Variants in PRKACB observed in about 807,000 individuals in gnomAD.
PRKACB encodes the protein cAMP-dependent protein kinase catalytic subunit beta.
A neutral mutation model predicts 51.4 loss-of-function variants in PRKACB; 16 were observed. The ratio of observed to expected loss-of-function variants is 0.31; its 90% confidence interval spans 0.21 to 0.47. PRKACB has a LOEUF of 0.47. Ranked by LOEUF, PRKACB falls within the 20% of genes least tolerant of loss-of-function variation. PRKACB has a pLI of 1.00. For synonymous variants in PRKACB, 147 were observed against 154.4 expected (o/e 0.95, Z 0.35); for missense variants, 309 against 464.5 (o/e 0.67, Z 3.08).
intron 1 of PRKACB, among the ~76,000 whole-genome samples, chr1:84,092,314 A>G (rs1648541847): frequency 6.6e-6 from 1 of 152,086 alleles, no homozygotes; most frequent in Admixed American, 6.5e-5. Flanking sequence ...TCACTTATGT[A>G]TTTGTGACAC....
chr1:84,192,464 A>T (rs190023381), intron 5 of PRKACB, among the ~76,000 whole-genome samples: 7 of 151,854 alleles, frequency 4.6e-5, no homozygotes, highest in Admixed American at 4.6e-4. Context: ...CATGAAAATC[A>T]CAATGATTTT....
chr1:84,161,991 C>T (rs1289920386), intron 1 of PRKACB, among the ~76,000 whole-genome samples: 1 of 151,934 alleles, frequency 6.6e-6, no homozygotes. Context: ...GGTATTTCTG[C>T]TTACAACAAA....
intron 1 of PRKACB, among the ~76,000 whole-genome samples, chr1:84,108,958 T>C (rs1649998609): frequency 6.6e-6 from 1 of 152,074 alleles, no homozygotes; most frequent in Non-Finnish European, 1.5e-5. Flanking sequence ...CAGGATTGAT[T>C]ACATTTGCCT....
chr1:84,210,939 C>G (rs1381085194), intron 8 of PRKACB, among the ~76,000 whole-genome samples: 2 of 152,024 alleles, frequency 1.3e-5, no homozygotes, highest in Admixed American at 1.3e-4. Context: ...CATTATTTCT[C>G]CCCCAAAATA....
intron 2 of PRKACB, chr1:84,181,791 G>T: frequency 1.6e-6 from 2 of 1,227,946 alleles, no homozygotes; most frequent in Non-Finnish European, 2.2e-6. Context: ...ATTTGCAAGT[G>T]CATTAAGTCT....
upstream of PRKACB, chr1:84,144,134 A>T: frequency 2.8e-6 from 2 of 712,590 alleles, no homozygotes; most frequent in Non-Finnish European, 4.1e-6. Flanking sequence ...TTTTAGGCAG[A>T]TATTGCAAGT....
At chr1:84,175,682 GAAGT>G in intron 1 of PRKACB, 1 of 819,366 alleles carries the variant, frequency 1.2e-6, no homozygotes, top group Non-Finnish European at 1.8e-6. Context: ...GGGGGGATAA[GAAGT>G]AAGTTGTGTT....
chr1:84,181,392 G>T (rs974906490), intron 2 of PRKACB, among the ~76,000 whole-genome samples: 1 of 151,920 alleles, frequency 6.6e-6, no homozygotes, highest in Non-Finnish European at 1.5e-5. Flanking sequence ...CACATAATTT[G>T]TCCCTAATAA....
chr1:84,148,355 A>G (rs1427264054), intron 1 of PRKACB, among the ~76,000 whole-genome samples: 2 of 151,800 alleles, frequency 1.3e-5, no homozygotes, highest in African/African-American at 4.8e-5. Flanking sequence ...ATTGTGGTTT[A>G]TTTATAGTAT....
intron 1 of PRKACB, among the ~76,000 whole-genome samples, chr1:84,137,616 G>A (rs1050857301): frequency 2.6e-5 from 4 of 152,204 alleles, no homozygotes; most frequent in Non-Finnish European, 4.4e-5. Flanking sequence ...AGCAAATGGA[G>A]TTGAAATGTG....
At chr1:84,083,837 C>T (rs954376097) in intron 1 of PRKACB, among the ~76,000 whole-genome samples, 26 of 152,076 alleles carry the variant, frequency 1.7e-4, no homozygotes, top group Non-Finnish European at 2.4e-4. Context: ...AAATGTATTC[C>T]TTCAAGAATG....
chr1:84,092,761 T>C (rs572757511), intron 1 of PRKACB, among the ~76,000 whole-genome samples: 1 of 152,274 alleles, frequency 6.6e-6, no homozygotes, highest in Non-Finnish European at 1.5e-5. Flanking sequence ...GTTTTTCATA[T>C]TTCTAATTAT....
At chr1:84,098,616 A>G (rs1571569786) in intron 1 of PRKACB, among the ~76,000 whole-genome samples, 1 of 152,108 alleles carries the variant, frequency 6.6e-6, no homozygotes, top group South Asian at 2.1e-4. Context: ...GGGGAGTACA[A>G]TATGATTGCC....
chr1:84,116,098 AAG>A (rs1650616913), intron 1 of PRKACB, among the ~76,000 whole-genome samples: 1 of 152,066 alleles, frequency 6.6e-6, no homozygotes, highest in Non-Finnish European at 1.5e-5. Context: ...CCATTTATTG[AAG>A]AGAGTGTCTT....
chr1:84,111,828 G>GATATATAT (rs569118584), intron 1 of PRKACB, among the ~76,000 whole-genome samples: 22 of 151,694 alleles, frequency 1.5e-4, no homozygotes, highest in African/African-American at 5.1e-4. Flanking sequence ...TGCAAGACCT[G>GATATATAT]ATATATATAT....
Position 84,214,247 on chromosome 1 carries a change from A to G in PRKACB, c.1001A>G (p.Asn334Ser). The G allele has an allele frequency of 6.2e-7, 1 of 1,613,690 alleles. No homozygotes were observed. Among genetic ancestry groups the G allele is most frequent in the Non-Finnish European group, 8.5e-7 (1 of 1,179,788 alleles). Residue 334 changes from asparagine (N) to serine (S), a missense_variant, in exon 9 of 10, where the codon AAT (asparagine) becomes AGT (serine). Asn to Ser is a conservative substitution (Grantham distance 46). Coordinates refer to ENST00000370685, the MANE Select transcript of PRKACB (RefSeq NM_182948.4). The stretch of plus-strand genomic sequence containing the variant: ...ACCAAGAGATTTGGAAATCTAAAGA[A>G]TGGTGTCAGTGATATAAAAACTCAC... ...DLTKRFGNLK[N>S]GVSDIKTHKW... is the part of the protein sequence containing the mutation.
intron 6 of PRKACB, among the ~76,000 whole-genome samples, 175 bp from the exon 7 acceptor site, chr1:84,197,554 T>C (rs1668554283): frequency 6.6e-6 from 1 of 152,164 alleles, no homozygotes; most frequent in Non-Finnish European, 1.5e-5. Flanking sequence ...CAACTTGGAT[T>C]GTTTAAACTT....
At chr1:84,156,067 C>A (rs1655460028) in intron 1 of PRKACB, among the ~76,000 whole-genome samples, 1 of 152,114 alleles carries the variant, frequency 6.6e-6, no homozygotes. Context: ...TGGCTCACTG[C>A]AGCCTTGTTC....
chr1:84,179,198 C>A lies in PRKACB; in HGVS notation c.209C>A (p.Ala70Asp). 1 of 1,582,546 alleles carries A rather than the reference C, an allele frequency of 6.3e-7. No individual in the cohort carries two copies. The highest frequency in any genetic ancestry group is 8.6e-7 in the Non-Finnish European group (1 of 1,163,544). The stretch of plus-strand genomic sequence containing the variant: ...TCAGTGAAAGAGTTTCTAGCCAAAG[C>A]CAAAGAAGACTTTTTGAAAAAATGG... ...DRSMKEFLAKAKEDFLKKWEN... is the reference protein window; with the variant it reads ...DRSMKEFLAKDKEDFLKKWEN... Residue 70 changes from alanine (A) to aspartate (D), a missense_variant, in exon 2 of 10, where the codon GCC becomes GAC. Coordinates refer to ENST00000370685, the MANE Select transcript of PRKACB (RefSeq NM_182948.4).
Sources: gnomAD v4.1 joint callset for allele counts (sites outside exome capture counted in the v4.1 genomes callset) on GRCh38, gnomAD v4.1.1 for gene constraint, MANE v1.5 for transcripts, NCBI Gene and HGNC (gene_info 2026-07-23, HGNC 2026-07-21) for gene names.